The following RHOT1 variants were observed in gnomAD, a reference collection of about 807,000 sequenced individuals.
RHOT1 encodes the protein ras homolog family member T1, also known as mitochondrial Rho GTPase 1.
A neutral mutation model predicts 95.3 loss-of-function variants in RHOT1; 27 were observed. The ratio of observed to expected loss-of-function variants is 0.28; its 90% confidence interval spans 0.21 to 0.39. The LOEUF (loss-of-function observed/expected upper bound fraction) is 0.39. RHOT1 is among the 10% of genes least tolerant of loss of function. The probability of loss-of-function intolerance (pLI) is 1.00; values close to 1 mark genes in which losing one functional copy is unlikely to be tolerated. For missense variants in RHOT1, 578 were observed against 786.7 expected (o/e 0.73, Z 3.17); for synonymous variants, 227 against 263.5 (o/e 0.86, Z 1.34).
chr17:32,171,015 AT>A, intron 1 of RHOT1, 27 bp from the exon 2 acceptor site: 6 of 1,561,320 alleles, frequency 3.8e-6, no homozygotes, highest in Non-Finnish European at 5.3e-6. Flanking sequence ...CTAACACTTT[AT>A]TAAAGTAACG....
intron 1 of RHOT1, 133 bp downstream of exon 1, chr17:32,142,862 C>A (rs934910484): frequency 2.7e-5 from 23 of 846,668 alleles, no homozygotes; most frequent in Non-Finnish European, 4.3e-5. Flanking sequence ...CTCCGCTCGC[C>A]TTTCTCCGCG....
intron 6 of RHOT1, among the ~76,000 whole-genome samples, chr17:32,176,768 C>T (rs1252118374): frequency 6.6e-6 from 1 of 151,752 alleles, no homozygotes. Context: ...GAGAGGGTTT[C>T]GCACGTTGGT....
chr17:32,199,036 G>A lies in RHOT1; in HGVS notation c.954+5G>A. On this transcript the variant is annotated splice_donor_5th_base_variant and intron_variant, in intron 12 of 19. Coordinates refer to ENST00000545287, the MANE Select transcript of RHOT1 (RefSeq NM_001033566.3). ...ACCTTTGACAAGCATGATTTGGTAA[G>A]CCTTTAGCTGTAATTTTCCATTATA... is the stretch of plus-strand genomic sequence containing the variant. The A allele has an allele frequency of 6.3e-7, 1 of 1,580,520 alleles. No individual in the cohort carries two copies. The highest frequency in any genetic ancestry group is 8.7e-7 in the Non-Finnish European group (1 of 1,151,108).
intron 16 of RHOT1, among the ~76,000 whole-genome samples, chr17:32,205,899 A>G (rs972852598): frequency 1.3e-5 from 2 of 152,228 alleles, no homozygotes; most frequent in Admixed American, 6.5e-5. Flanking sequence ...TATTTAAGAA[A>G]TTTTATAATA....
At chr17:32,177,167 T>C (rs1598358761) in intron 6 of RHOT1, among the ~76,000 whole-genome samples, 1 of 152,214 alleles carries the variant, frequency 6.6e-6, no homozygotes, top group African/African-American at 2.4e-5. Context: ...AATGACCCTT[T>C]AGAGCTCTGC....
At chr17:32,189,719 A>ATCTTT (rs1193055486) in intron 8 of RHOT1, among the ~76,000 whole-genome samples, 6 of 148,494 alleles carry the variant, frequency 4.0e-5, no homozygotes, top group Admixed American at 6.7e-5. Flanking sequence ...CAACAACAAT[A>ATCTTT]TCTTTTCTTT....
intron 1 of RHOT1, chr17:32,151,048 G>C (rs1276822290): frequency 1.1e-5 from 16 of 1,406,308 alleles, no homozygotes; most frequent in Non-Finnish European, 1.5e-5. Flanking sequence ...ATTGTGGTCT[G>C]TTCTTGGAGA....
At chr17:32,158,102 T>A (rs1220148347) in intron 1 of RHOT1, among the ~76,000 whole-genome samples, 4 of 152,198 alleles carry the variant, frequency 2.6e-5, no homozygotes, top group Non-Finnish European at 5.9e-5. Flanking sequence ...GTGATCTGCC[T>A]GCCTCAGCCT....
intron 3 of RHOT1, 81 bp from the exon 4 acceptor site, chr17:32,175,238 G>A: frequency 8.7e-7 from 1 of 1,147,764 alleles, no homozygotes; most frequent in Non-Finnish European, 1.3e-6. Context: ...TGTTAGATGA[G>A]TGTTGCATAG....
chr17:32,158,534 A>G (rs1320338438), intron 1 of RHOT1, among the ~76,000 whole-genome samples: 2 of 152,052 alleles, frequency 1.3e-5, no homozygotes, highest in Non-Finnish European at 2.9e-5. Flanking sequence ...ATCTCGGCTC[A>G]CTGCAACACC....
At chr17:32,185,045 A>G (rs537520312) in intron 8 of RHOT1, among the ~76,000 whole-genome samples, 2 of 152,050 alleles carry the variant, frequency 1.3e-5, no homozygotes, top group South Asian at 4.2e-4. Context: ...TAAACCTCTC[A>G]AGTAGCTGGG....
At chr17:32,146,612 A>C (rs1245469925) in intron 1 of RHOT1, among the ~76,000 whole-genome samples, 1 of 127,456 alleles carries the variant, frequency 7.8e-6, no homozygotes, top group Admixed American at 8.0e-5. Context: ...CGCCCGGCTA[A>C]TTTTTTTTTT....
chr17:32,197,140 A>T (rs898630043), intron 11 of RHOT1, among the ~76,000 whole-genome samples: 3 of 151,894 alleles, frequency 2.0e-5, no homozygotes, highest in Admixed American at 6.5e-5. Flanking sequence ...AAAAAAAAGA[A>T]ATGTCTTTGT....
chr17:32,149,734 T>TAC lies in RHOT1; in HGVS notation c.37+7006_37+7007insCA, dbSNP rs1389461247. Among the ~76,000 whole-genome samples the TAC allele has an allele frequency of 5.6e-5, 8 of 142,240 alleles. 1 individual carries two copies. The South Asian group carries it at 1.5e-3, about 26-fold the overall frequency. 93.3% of individuals were successfully genotyped at this position (142,240 alleles called of 152,430 possible). A position where few individuals can be genotyped will look rare whatever the true frequency, so the allele number is the denominator to read the frequency against. On this transcript the variant is annotated intron_variant, in intron 1 of 19. Coordinates refer to ENST00000545287, the MANE Select transcript of RHOT1 (RefSeq NM_001033566.3). ...ACATACACATATATATACACATATA[T>TAC]ATACACACACACACACACATATATA...
chr17:32,211,376 T>G (rs1329204775), intron 19 of RHOT1, 138 bp downstream of exon 19: 13 of 681,394 alleles, frequency 1.9e-5, no homozygotes, highest in Non-Finnish European at 2.8e-5. Context: ...AAATTCTCAC[T>G]GTGATGACAA....
intron 19 of RHOT1, among the ~76,000 whole-genome samples, chr17:32,223,963 C>T (rs372524402): frequency 2.6e-5 from 4 of 152,224 alleles, no homozygotes; most frequent in South Asian, 2.1e-4. Flanking sequence ...CATCACATTA[C>T]GTTATGTCTG....
At chr17:32,149,206 T>G (rs2031842142) in intron 1 of RHOT1, among the ~76,000 whole-genome samples, 1 of 152,038 alleles carries the variant, frequency 6.6e-6, no homozygotes, top group Admixed American at 6.5e-5. Flanking sequence ...TGTATTTATA[T>G]TACATTTTAT....
intron 14 of RHOT1, 90 bp downstream of exon 14, chr17:32,201,146 C>A: frequency 3.0e-6 from 2 of 673,402 alleles, no homozygotes; most frequent in East Asian, 2.9e-5. Flanking sequence ...ATACACTCAT[C>A]TTCATTAGTC....
In RHOT1 at chr17:32,142,559, AG is replaced by A. The variant is rs2030498751; in HGVS notation, c.-133del. Reference sequence around the variant, plus strand: ...CGCTGTCCCGGCTCTCTTGCGGGGAAGCAACTGAGGGGGCGGCGCGGCGGGC... The same window carrying A: ...CGCTGTCCCGGCTCTCTTGCGGGGAACAACTGAGGGGGCGGCGCGGCGGGC... On this transcript the variant is annotated 5_prime_UTR_variant, in exon 1 of 20. Coordinates refer to ENST00000545287, the MANE Select transcript of RHOT1 (RefSeq NM_001033566.3). 1 of 638,342 alleles carries A rather than the reference AG, an allele frequency of 1.6e-6. No individual in the cohort carries two copies. Among genetic ancestry groups the A allele is most frequent in the African/African-American group, 1.9e-5 (1 of 51,356 alleles). The allele number at this position is 638,342 out of a possible 1,614,324, so 39.5% of individuals were successfully genotyped here. A position where few individuals can be genotyped will look rare whatever the true frequency, so the allele number is the denominator to read the frequency against.
Sources: allele counts gnomAD v4.1 joint callset (sites outside exome capture counted in the v4.1 genomes callset), GRCh38; gene constraint gnomAD v4.1.1; transcripts MANE v1.5; gene names NCBI Gene and HGNC (gene_info 2026-07-23, HGNC 2026-07-21).